Variants in TAPT1 observed in about 807,000 individuals in gnomAD.
TAPT1 encodes transmembrane anterior posterior transformation protein 1 homolog.
A neutral mutation model predicts 65.6 loss-of-function variants in TAPT1; 28 were observed. The ratio of observed to expected loss-of-function variants is 0.43; its 90% CI spans 0.32 to 0.59. The LOEUF is 0.59. Ranked by LOEUF, TAPT1 falls within the 20% of genes least tolerant of loss-of-function variation. The pLI, the probability that TAPT1 is intolerant of heterozygous loss-of-function variation, is 0.09. For synonymous variants in TAPT1, 278 were observed against 245.2 expected, an observed-to-expected ratio of 1.13 and a Z score of -1.25; for missense variants, 563 against 679.9, an observed-to-expected ratio of 0.83 and a Z score of 1.91.
In TAPT1 at chr4:16,163,041, G is replaced by T. The variant is rs1747356844; in HGVS notation, c.*267C>A. 5.5e-6 allele frequency: 3 copies of T among 547,576 alleles called. No homozygotes were observed. Among genetic ancestry groups the T allele is most frequent in the Non-Finnish European group, 1.0e-5 (3 of 287,326 alleles). The allele number at this position is 547,576 out of a possible 1,614,324, so 33.9% of individuals were successfully genotyped here. On this transcript the variant is annotated 3_prime_UTR_variant, in exon 14 of 14. Coordinates refer to ENST00000405303, the MANE Select transcript of TAPT1 (RefSeq NM_153365.3). ...TTGATGTTGCCTTTGTTGGGTCCTG[G>T]AAATGATGCTGCTGCTTGGCCAGGC... is the stretch of plus-strand genomic sequence containing the variant.
In TAPT1 at chr4:16,161,632, G is replaced by A. The variant is rs558635556; in HGVS notation, c.*1676C>T. 2.0e-5 allele frequency: 3 copies of A among 152,522 alleles called. No individual in the cohort carries two copies. Among genetic ancestry groups the A allele is most frequent in the African/African-American group, 7.2e-5 (3 of 41,546 alleles). 9.4% of individuals were successfully genotyped at this position (152,522 alleles called of 1,614,324 possible). ...GGGGCTCCATTAAAACACACACAAA[G>A]CAATTAAAACCTTTTTCATTTTTAA... On this transcript the variant is annotated 3_prime_UTR_variant, in exon 14 of 14. Coordinates refer to ENST00000405303, the MANE Select transcript of TAPT1 (RefSeq NM_153365.3).
chr4:16,185,807 G>A (rs1262477820), intron 7 of TAPT1, among the ~76,000 whole-genome samples: 2 of 152,116 alleles, frequency 1.3e-5, no homozygotes, highest in Non-Finnish European at 2.9e-5. Flanking sequence ...CCTTCCTCAA[G>A]GACATCATCA....
At position 16,174,164 on chromosome 4, in the gene TAPT1, GCTA is replaced by G. The variant is rs767509499; in HGVS notation, c.1236+37_1236+39del. 1.9e-5 allele frequency: 26 copies of G among 1,381,976 alleles called. No homozygotes were observed. In the African/African-American group the frequency reaches 3.8e-4, roughly 20 times the overall value. The allele number at this position is 1,381,976 out of a possible 1,614,324, so 85.6% of individuals were successfully genotyped here. A position where few individuals can be genotyped will look rare whatever the true frequency, so the allele number is the denominator to read the frequency against. On this transcript the variant is annotated intron_variant, in intron 11 of 13. Coordinates refer to ENST00000405303, the MANE Select transcript of TAPT1 (RefSeq NM_153365.3). ...CATTTATTAATATTCTATAATGATGGCTACTTTGTTACAAAAAACATTAAAAAG... is the reference window on the plus strand; with the variant it reads ...CATTTATTAATATTCTATAATGATGGCTTTGTTACAAAAAACATTAAAAAG...
chr4:16,210,992 A>G (rs890061322), intron 2 of TAPT1, among the ~76,000 whole-genome samples: 1 of 152,158 alleles, frequency 6.6e-6, no homozygotes, highest in Non-Finnish European at 1.5e-5. Flanking sequence ...TTTTTACTAA[A>G]TGTCAAGTAT....
At chr4:16,190,171 G>A (rs1749278988) in intron 4 of TAPT1, 1 of 152,220 alleles carries the variant, frequency 6.6e-6, no homozygotes, top group South Asian at 2.1e-4. Context: ...TCTGTGAAGA[G>A]ATGGAGAGTC....
intron 9 of TAPT1, among the ~76,000 whole-genome samples, chr4:16,175,889 G>A (rs1032077493): frequency 8.5e-5 from 13 of 152,164 alleles, no homozygotes; most frequent in Non-Finnish European, 1.5e-4. Flanking sequence ...TTTTGAGTTA[G>A]TGACACTGTG....
intron 2 of TAPT1, among the ~76,000 whole-genome samples, chr4:16,211,639 T>C (rs1750659791): frequency 6.6e-6 from 1 of 152,202 alleles, no homozygotes; most frequent in Non-Finnish European, 1.5e-5. Context: ...ATTAGAAAAT[T>C]ATTACAATTG....
intron 7 of TAPT1, among the ~76,000 whole-genome samples, chr4:16,184,830 T>C (rs1748908579): frequency 6.6e-6 from 1 of 152,242 alleles, no homozygotes; most frequent in Non-Finnish European, 1.5e-5. Context: ...TCATTATTGA[T>C]TGGTATAGTT....
At chr4:16,164,573 C>T (rs1747458920) in intron 13 of TAPT1, among the ~76,000 whole-genome samples, 1 of 152,172 alleles carries the variant, frequency 6.6e-6, no homozygotes, top group Admixed American at 6.5e-5. Flanking sequence ...TCCTTGAAAG[C>T]AAGAGTGACG....
intron 1 of TAPT1, among the ~76,000 whole-genome samples, chr4:16,223,765 A>C (rs1267455971): frequency 6.6e-6 from 1 of 152,346 alleles, no homozygotes; most frequent in Non-Finnish European, 1.5e-5. Flanking sequence ...TAAATCAACA[A>C]GGAGAGATAT....
intron 11 of TAPT1, among the ~76,000 whole-genome samples, chr4:16,171,477 A>C (rs1431641939): frequency 6.6e-6 from 1 of 152,232 alleles, no homozygotes; most frequent in Non-Finnish European, 1.5e-5. Context: ...TAAAAGAGAA[A>C]TAGAGAATTA....
upstream of TAPT1, chr4:16,226,738 C>T (rs1329750371): frequency 6.6e-6 from 1 of 151,006 alleles, no homozygotes; most frequent in Non-Finnish European, 1.5e-5. Context: ...GGGCACCGCG[C>T]CGGGCTCCAT....
intron 2 of TAPT1, among the ~76,000 whole-genome samples, chr4:16,210,322 G>C (rs537298715): frequency 1.3e-5 from 2 of 152,158 alleles, no homozygotes; most frequent in Non-Finnish European, 2.9e-5. Context: ...TATAATGTGA[G>C]ATAAAACTGG....
At chr4:16,224,092 A>T (rs780841152) in intron 1 of TAPT1, among the ~76,000 whole-genome samples, 5 of 152,226 alleles carry the variant, frequency 3.3e-5, no homozygotes, top group Non-Finnish European at 7.3e-5. Flanking sequence ...GAATATAAAA[A>T]AATCAACAAG....
chr4:16,179,484 A>C (rs575241558), intron 8 of TAPT1, 93 bp downstream of exon 8: 1 of 725,818 alleles, frequency 1.4e-6, no homozygotes, highest in African/African-American at 1.9e-5. Flanking sequence ...AGTCTTTTGG[A>C]GTTTTCTGCA....
At chr4:16,226,945 C>T (rs978041376), upstream of TAPT1, 3 of 399,678 alleles carry the variant, frequency 7.5e-6, no homozygotes, top group South Asian at 1.8e-5. Context: ...GACTCGGTGC[C>T]CGGAGTGCGC....
At chr4:16,199,785 C>G (rs1277077821) in intron 3 of TAPT1, among the ~76,000 whole-genome samples, 2 of 152,028 alleles carry the variant, frequency 1.3e-5, no homozygotes, top group African/African-American at 2.4e-5. Flanking sequence ...GAGACAGGGT[C>G]TCGCTATGTT....
At chr4:16,173,617 A>T (rs1748145146) in intron 11 of TAPT1, among the ~76,000 whole-genome samples, 1 of 152,338 alleles carries the variant, frequency 6.6e-6, no homozygotes, top group Middle Eastern at 3.4e-3. Context: ...GACAATTTTT[A>T]AAAAGTATTA....
intron 2 of TAPT1, among the ~76,000 whole-genome samples, chr4:16,212,101 A>G (rs1433356920): frequency 6.6e-6 from 1 of 152,178 alleles, no homozygotes; most frequent in Non-Finnish European, 1.5e-5. Context: ...GTTTTGCCAC[A>G]GGAGGGGTAA....
Sources: gnomAD v4.1 joint callset for allele counts (sites outside exome capture counted in the v4.1 genomes callset) on GRCh38, gnomAD v4.1.1 for gene constraint, MANE v1.5 for transcripts, NCBI Gene and HGNC (gene_info 2026-07-23, HGNC 2026-07-21) for gene names.